RIMS2: variants seen among roughly 807,000 people sequenced by gnomAD.
RIMS2 encodes the protein regulating synaptic membrane exocytosis protein 2.
RIMS2 carries 59 observed loss-of-function variants against 174.4 expected under a neutral mutation model. That is an observed-to-expected ratio of 0.34 (90% confidence interval 0.27 to 0.42). The LOEUF is 0.42. Among genes scored for constraint, RIMS2 ranks in the 10% least tolerant of loss-of-function variants. The pLI, the probability that RIMS2 is intolerant of heterozygous loss-of-function variation, is 1.00. For synonymous variants in RIMS2, 606 were observed against 572.5 expected (o/e 1.06, Z -0.84); for missense variants, 1,620 against 1,666.3 (o/e 0.97, Z 0.48).
chr8:104,132,700 A>G (rs911992773), intron 19 of RIMS2, among the ~76,000 whole-genome samples: 2 of 152,214 alleles, frequency 1.3e-5, no homozygotes, highest in East Asian at 3.8e-4. Context: ...GCAGAGTAAC[A>G]GCTACATGCA....
chr8:103,573,672 T>G (rs1365714680), intron 1 of RIMS2, among the ~76,000 whole-genome samples: 1 of 152,184 alleles, frequency 6.6e-6, no homozygotes, highest in Non-Finnish European at 1.5e-5. Flanking sequence ...TTCTTTTCAC[T>G]TATGATTGCT....
chr8:103,605,426 A>G (rs939660213), intron 1 of RIMS2, among the ~76,000 whole-genome samples: 16 of 144,376 alleles, frequency 1.1e-4, no homozygotes, highest in Non-Finnish European at 2.0e-4. Context: ...GGATTTTTGC[A>G]TCAATATTCA....
chr8:103,843,144 G>C (rs2098950029), intron 3 of RIMS2, among the ~76,000 whole-genome samples: 1 of 152,142 alleles, frequency 6.6e-6, no homozygotes. Flanking sequence ...ATTTTGAGTG[G>C]ATACAATTCA....
exon 23 of RIMS2, chr8:104,251,153 A>G: frequency 6.2e-7 from 1 of 1,611,290 alleles, no homozygotes; most frequent in Non-Finnish European, 8.5e-7. Flanking sequence ...CCACAAGGAA[A>G]AGTTTTACAG....
chr8:103,900,370 C>A lies in RIMS2; in HGVS notation c.1625-9764C>A, dbSNP rs572234338. ...TCCTGAGTAGCTGGGATTACAAGTG[C>A]CCACCACCACGCCCAGCTAATTTTT... On this transcript the variant is annotated intron_variant, in intron 4 of 23. Coordinates refer to ENST00000504942, the Ensembl canonical transcript of RIMS2. Among the ~76,000 whole-genome samples the A allele has an allele frequency of 8.9e-4, 133 of 149,394 alleles. 5 individuals are homozygous for A. The highest frequency in any genetic ancestry group is 3.3e-3 in the African/African-American group (130 of 38,926).
intron 1 of RIMS2, among the ~76,000 whole-genome samples, chr8:103,549,708 G>A (rs1301656762): frequency 1.3e-5 from 2 of 152,184 alleles, no homozygotes; most frequent in African/African-American, 4.8e-5. Context: ...CCATCAGTGT[G>A]CTGTATTCAG....
At chr8:104,223,561 C>T in intron 19 of RIMS2, 1 of 1,445,338 alleles carries the variant, frequency 6.9e-7, no homozygotes, top group Non-Finnish European at 9.1e-7. Flanking sequence ...GGCTTCTGGC[C>T]CACTGGTCCC....
intron 3 of RIMS2, among the ~76,000 whole-genome samples, chr8:103,839,019 C>T (rs2098922815): frequency 6.6e-6 from 1 of 152,120 alleles, no homozygotes; most frequent in African/African-American, 2.4e-5. Context: ...GAGCCAAGAT[C>T]GCGCCACTGC....
At chr8:103,585,477 C>T (rs1440561298) in intron 1 of RIMS2, among the ~76,000 whole-genome samples, 1 of 152,016 alleles carries the variant, frequency 6.6e-6, no homozygotes, top group Non-Finnish European at 1.5e-5. Flanking sequence ...GACTTGAAAC[C>T]AACACAAATG....
intron 3 of RIMS2, among the ~76,000 whole-genome samples, chr8:103,826,558 T>C (rs2098792192): frequency 6.6e-6 from 1 of 151,952 alleles, no homozygotes. Context: ...CATGGTTCTA[T>C]TTCTGATCTG....
Position 103,678,143 on chromosome 8 carries a change from A to G in RIMS2, c.177-18943A>G, listed in dbSNP as rs371740671. ...TTGTTTCCATGTCTGTCTCATATCT[A>G]TGCATGTTCATATCTATCTTATTTT... On this transcript the variant is annotated intron_variant, in intron 1 of 23. Coordinates refer to ENST00000504942, the Ensembl canonical transcript of RIMS2. Among the ~76,000 whole-genome samples, 4 of 152,296 alleles carry G rather than the reference A, an allele frequency of 2.6e-5. No individual in the cohort carries two copies. In the East Asian group the frequency reaches 5.8e-4, roughly 22 times the overall value.
intron 19 of RIMS2, chr8:104,148,818 A>G: frequency 1.3e-6 from 2 of 1,598,392 alleles, no homozygotes; most frequent in Non-Finnish European, 8.5e-7. Context: ...GTCACGGAAA[A>G]GTCGCAGTGC....
intron 1 of RIMS2, among the ~76,000 whole-genome samples, chr8:103,534,097 G>A (rs919893586): frequency 8.5e-5 from 13 of 152,184 alleles, no homozygotes. Context: ...TGCTTTTGCT[G>A]CAAAATTGAT....
intron 19 of RIMS2, among the ~76,000 whole-genome samples, chr8:104,061,904 G>A (rs536452450): frequency 2.1e-3 from 314 of 151,992 alleles, no homozygotes; most frequent in African/African-American, 6.9e-3. Flanking sequence ...ATCTTTGCAC[G>A]TTGACATTTC....
intron 17 of RIMS2, among the ~76,000 whole-genome samples, chr8:104,008,902 T>C (rs2095669989): frequency 6.6e-6 from 1 of 152,052 alleles, no homozygotes; most frequent in African/African-American, 2.4e-5. Flanking sequence ...CAAGGATAAA[T>C]TAATCTTCCT....
chr8:103,768,797 C>T (rs2154426368), intron 3 of RIMS2: 3 of 705,664 alleles, frequency 4.3e-6, no homozygotes, highest in South Asian at 2.9e-5. Flanking sequence ...AGGACCAAAG[C>T]ACCCAAAATT....
intron 1 of RIMS2, among the ~76,000 whole-genome samples, chr8:103,644,903 A>G (rs975420418): frequency 2.0e-5 from 3 of 151,970 alleles, no homozygotes; most frequent in African/African-American, 7.2e-5. Flanking sequence ...GTCACTGATT[A>G]AGAGCAACAT....
intron 1 of RIMS2, among the ~76,000 whole-genome samples, chr8:103,549,407 G>A (rs1846607865): frequency 6.6e-6 from 1 of 152,132 alleles, no homozygotes; most frequent in Non-Finnish European, 1.5e-5. Flanking sequence ...ATCCTTTATA[G>A]ACAAGCAAAT....
intron 19 of RIMS2, among the ~76,000 whole-genome samples, chr8:104,086,303 A>G (rs952954625): frequency 1.5e-5 from 2 of 136,112 alleles, no homozygotes; most frequent in African/African-American, 5.5e-5. Flanking sequence ...CAGTTTTAGT[A>G]CATGATAGAA....
Sources: allele counts gnomAD v4.1 joint callset (sites outside exome capture counted in the v4.1 genomes callset), GRCh38; gene constraint gnomAD v4.1.1; transcripts MANE v1.5; gene names NCBI Gene and HGNC (gene_info 2026-07-23, HGNC 2026-07-21).